GALNTL6: variants seen among roughly 807,000 people sequenced by gnomAD.
GALNTL6 encodes polypeptide N-acetylgalactosaminyltransferase-like 6.
A neutral mutation model predicts 73.7 loss-of-function variants in GALNTL6; 46 were observed. The ratio of observed to expected loss-of-function variants is 0.62; its 90% CI spans 0.49 to 0.80. The LOEUF is 0.80. Among genes scored for constraint, GALNTL6 ranks in the 30% least tolerant of loss-of-function variants. GALNTL6 has a pLI of 0.00. For missense variants in GALNTL6, 604 were observed against 755.0 expected (o/e 0.80, Z 2.34); for synonymous variants, 259 against 263.7 (o/e 0.98, Z 0.17).
chr4:171,917,565 T>C (rs1309358243), intron 2 of GALNTL6, among the ~76,000 whole-genome samples: 4 of 152,026 alleles, frequency 2.6e-5, no homozygotes, highest in South Asian at 2.1e-4. Context: ...CTACTACTTA[T>C]TTCTCTTCCA....
chr4:172,775,294 T>C (rs1247210210), intron 5 of GALNTL6, among the ~76,000 whole-genome samples: 3 of 152,238 alleles, frequency 2.0e-5, no homozygotes, highest in African/African-American at 7.2e-5. Flanking sequence ...TTTGTCTTGA[T>C]GGAATCATGG....
At chr4:172,907,437 T>G (rs574958518) in intron 8 of GALNTL6, among the ~76,000 whole-genome samples, 1 of 152,346 alleles carries the variant, frequency 6.6e-6, no homozygotes, top group African/African-American at 2.4e-5. Flanking sequence ...TTCACAGGTA[T>G]GTTTCAATAT....
intron 12 of GALNTL6, among the ~76,000 whole-genome samples, chr4:173,039,516 A>C (rs1413045644): frequency 6.6e-6 from 1 of 152,080 alleles, no homozygotes; most frequent in Non-Finnish European, 1.5e-5. Flanking sequence ...TTTACTGCGG[A>C]CTAAAATACA....
intron 7 of GALNTL6, among the ~76,000 whole-genome samples, chr4:172,871,588 T>TG (rs199889170): frequency 0.13 from 15,999 of 121,016 alleles, 1,182 homozygotes; most frequent in East Asian, 0.34. Flanking sequence ...TCTCTGACTC[T>TG]GGGGGGGGTG....
chr4:172,797,787 C>T lies in GALNTL6; in HGVS notation c.554-11574C>T, dbSNP rs1000859791. On this transcript the variant is annotated intron_variant, in intron 5 of 12. Transcript: ENST00000506823. ...CTCCTGACCTCAGGTGATCCGCCAG[C>T]CTCGACCTCCCAAAGTGCTGAGATT... Among the ~76,000 whole-genome samples the T allele has an allele frequency of 2.0e-5, 3 of 152,260 alleles. No homozygotes were observed. In the East Asian group the frequency reaches 5.8e-4, roughly 29 times the overall value.
chr4:171,919,502 T>G (rs1737721031), intron 2 of GALNTL6, among the ~76,000 whole-genome samples: 1 of 152,022 alleles, frequency 6.6e-6, no homozygotes, highest in Non-Finnish European at 1.5e-5. Context: ...AGTTTGCATT[T>G]CAAACAATTA....
chr4:172,889,884 C>T (rs140461888), intron 8 of GALNTL6, among the ~76,000 whole-genome samples: 73 of 151,944 alleles, frequency 4.8e-4, no homozygotes, highest in Non-Finnish European at 6.9e-4. Context: ...CCATCTGGTC[C>T]GGCCTTTTTT....
At chr4:172,552,735 T>G (rs900972252) in intron 5 of GALNTL6, among the ~76,000 whole-genome samples, 1 of 122,718 alleles carries the variant, frequency 8.1e-6, no homozygotes, top group Non-Finnish European at 1.6e-5. Context: ...GTTAAAAGCG[T>G]TTTTTTTTTT....
At chr4:172,207,033 G>A (rs1477634803) in intron 2 of GALNTL6, among the ~76,000 whole-genome samples, 1 of 151,194 alleles carries the variant, frequency 6.6e-6, no homozygotes, top group African/African-American at 2.4e-5. Flanking sequence ...TAGCCAGGAT[G>A]ATCTCAATCT....
intron 5 of GALNTL6, among the ~76,000 whole-genome samples, chr4:172,781,982 CCTAT>C (rs1233443185): frequency 1.3e-5 from 2 of 151,354 alleles, no homozygotes; most frequent in African/African-American, 4.8e-5. Flanking sequence ...AATAGTATTT[CCTAT>C]CTAAGGCTTG....
At chr4:171,854,047 A>C (rs1735609872) in intron 2 of GALNTL6, among the ~76,000 whole-genome samples, 2 of 152,222 alleles carry the variant, frequency 1.3e-5, no homozygotes, top group Admixed American at 1.3e-4. Context: ...AATTTCACAG[A>C]AAGCTACAAA....
chr4:172,720,372 C>T (rs557476444), intron 5 of GALNTL6, among the ~76,000 whole-genome samples: 1 of 152,254 alleles, frequency 6.6e-6, no homozygotes, highest in South Asian at 2.1e-4. Flanking sequence ...TCAAATCCCA[C>T]GTTCCACACA....
chr4:173,001,456 G>A (rs929567401), intron 10 of GALNTL6, among the ~76,000 whole-genome samples: 3 of 152,184 alleles, frequency 2.0e-5, no homozygotes, highest in Non-Finnish European at 4.4e-5. Context: ...GCATTGGAAT[G>A]TCAATGATCT....
intron 2 of GALNTL6, among the ~76,000 whole-genome samples, chr4:172,172,301 G>A (rs1734854116): frequency 6.6e-6 from 1 of 152,104 alleles, no homozygotes; most frequent in Admixed American, 6.6e-5. Context: ...GGGTTCCAGT[G>A]ATTCTCCTGC....
intron 3 of GALNTL6, among the ~76,000 whole-genome samples, chr4:172,282,845 C>T (rs898902365): frequency 1.4e-5 from 2 of 140,046 alleles, no homozygotes; most frequent in African/African-American, 4.9e-5. Context: ...GACAAAGAAA[C>T]AAAAACAAAC....
chr4:172,707,394 A>G (rs920529247), intron 5 of GALNTL6, among the ~76,000 whole-genome samples: 2 of 152,208 alleles, frequency 1.3e-5, no homozygotes, highest in African/African-American at 4.8e-5. Context: ...TAAAATCACA[A>G]GTATAGTCCT....
intron 3 of GALNTL6, among the ~76,000 whole-genome samples, chr4:172,285,840 A>C (rs1739224978): frequency 6.6e-6 from 1 of 152,210 alleles, no homozygotes; most frequent in Admixed American, 6.5e-5. Context: ...TGCCTGTCCT[A>C]AAACTTTAGC....
Position 172,326,523 on chromosome 4 carries a change from C to CT in GALNTL6, c.386+14775dup, listed in dbSNP as rs200696081. On this transcript the variant is annotated intron_variant, in intron 4 of 12. Transcript: ENST00000506823. ...TTACCTACTAATAAAGTCAATTTGG[C>CT]TTTTCAAAGTAGTGATAGCATGACA... 4.7e-3 allele frequency among the ~76,000 whole-genome samples: 707 copies of CT among 152,024 alleles called. 4 individuals carry two copies. The highest frequency in any genetic ancestry group is 0.016 in the African/African-American group (667 of 41,540).
Position 172,106,951 on chromosome 4 carries a change from G to A in GALNTL6, c.139-122705G>A, listed in dbSNP as rs113362817. ...TGCCATGGCACGATCTTGGCTCACCGCAACCTTTGCCTCCCGGGTTCAAGC... is the reference window on the plus strand; with the variant it reads ...TGCCATGGCACGATCTTGGCTCACCACAACCTTTGCCTCCCGGGTTCAAGC... On this transcript the variant is annotated intron_variant, in intron 2 of 12. Transcript: ENST00000506823. Among the ~76,000 whole-genome samples, 1,272 of 152,288 alleles carry A rather than the reference G, an allele frequency of 8.4e-3. 21 individuals are homozygous for A. Among genetic ancestry groups the A allele is most frequent in the African/African-American group, 0.028 (1,162 of 41,556 alleles).
Sources: gnomAD v4.1 joint callset for allele counts (sites outside exome capture counted in the v4.1 genomes callset) on GRCh38, gnomAD v4.1.1 for gene constraint, MANE v1.5 for transcripts, NCBI Gene and HGNC (gene_info 2026-07-23, HGNC 2026-07-21) for gene names.